CADM2: variants seen among roughly 807,000 people sequenced by gnomAD.
CADM2 encodes immunoglobulin superfamily member 4D.
Under a neutral mutation model 49.8 loss-of-function variants are expected in CADM2, and 12 were observed. The ratio of observed to expected loss-of-function variants is 0.24; its 90% CI spans 0.15 to 0.39. CADM2 has a LOEUF of 0.39. Ranked by LOEUF, CADM2 falls within the 10% of genes least tolerant of loss-of-function variation. CADM2 has a pLI of 1.00. For missense variants in CADM2, 378 were observed against 492.3 expected (o/e 0.77, Z 2.20); for synonymous variants, 214 against 175.4 (o/e 1.22, Z -1.74).
At chr3:85,518,678 C>T (rs1470051797) in intron 1 of CADM2, among the ~76,000 whole-genome samples, 1 of 152,094 alleles carries the variant, frequency 6.6e-6, no homozygotes, top group South Asian at 2.1e-4. Flanking sequence ...CTGGCATTCC[C>T]TGGCTTATGG....
chr3:85,021,035 T>C (rs1477573971), intron 1 of CADM2, among the ~76,000 whole-genome samples: 1 of 147,482 alleles, frequency 6.8e-6, no homozygotes, highest in Non-Finnish European at 1.5e-5. Flanking sequence ...GAGAATCACA[T>C]GAGCCTGGGA....
chr3:85,306,241 G>C (rs916400649), intron 1 of CADM2, among the ~76,000 whole-genome samples: 1 of 151,520 alleles, frequency 6.6e-6, no homozygotes, highest in African/African-American at 2.4e-5. Context: ...TTAGTGTTTT[G>C]CTTTGCTGGA....
intron 1 of CADM2, among the ~76,000 whole-genome samples, chr3:85,660,243 T>C (rs1475529633): frequency 6.6e-6 from 1 of 152,136 alleles, no homozygotes; most frequent in East Asian, 1.9e-4. Context: ...TCATTTCTAG[T>C]AGTTTCTATT....
rs2042248735 is a variant in CADM2, at chr3:85,229,875, G to C, written c.61+270207G>C. On this transcript the variant is annotated intron_variant, in intron 1 of 9. Coordinates refer to ENST00000383699, the MANE Select transcript of CADM2 (RefSeq NM_001167675.2). ...CATTAATGACTACATTTTGATTCTGGCAACTTTGATATCTGTAAGATAACC... is the reference window on the plus strand; with the variant it reads ...CATTAATGACTACATTTTGATTCTGCCAACTTTGATATCTGTAAGATAACC... Among the ~76,000 whole-genome samples, 4 of 152,012 alleles carry C rather than the reference G, an allele frequency of 2.6e-5. No homozygotes were observed. The South Asian group carries it at 8.3e-4, about 32-fold the overall frequency.
rs1014721175 is a variant in CADM2, at chr3:85,233,995, G to T, written c.61+274327G>T. On this transcript the variant is annotated intron_variant, in intron 1 of 9. Coordinates refer to ENST00000383699, the MANE Select transcript of CADM2 (RefSeq NM_001167675.2). The stretch of plus-strand genomic sequence containing the variant: ...TTTATTAAGCACTTATTTATGTCAA[G>T]CACTCTTCTGAAGTTCTACATGGAT... Among the ~76,000 whole-genome samples, 14 of 152,146 alleles carry T rather than the reference G, an allele frequency of 9.2e-5. No homozygotes were observed. The South Asian group carries it at 2.9e-3, about 32-fold the overall frequency.
chr3:85,212,971 C>A (rs1398318659), intron 1 of CADM2, among the ~76,000 whole-genome samples: 3 of 151,452 alleles, frequency 2.0e-5, no homozygotes, highest in African/African-American at 7.3e-5. Flanking sequence ...ACCTTCGCCT[C>A]CTGGGTTCAA....
chr3:85,445,635 A>G (rs143241038), intron 1 of CADM2, among the ~76,000 whole-genome samples: 1 of 152,218 alleles, frequency 6.6e-6, no homozygotes, highest in Non-Finnish European at 1.5e-5. Context: ...CCTAAAATAC[A>G]TTAACATTTT....
chr3:85,339,721 A>T (rs2045190266), intron 1 of CADM2, among the ~76,000 whole-genome samples: 1 of 151,394 alleles, frequency 6.6e-6, no homozygotes, highest in Non-Finnish European at 1.5e-5. Context: ...GAAAGTCAAG[A>T]TTACCAAATG....
chr3:85,694,081 G>T (rs2066476213), intron 1 of CADM2, among the ~76,000 whole-genome samples: 2 of 151,960 alleles, frequency 1.3e-5, no homozygotes, highest in African/African-American at 2.4e-5. Context: ...ACTTTTTAAA[G>T]ATATCTACTC....
chr3:86,015,645 C>T (rs1732131300), intron 8 of CADM2, among the ~76,000 whole-genome samples: 1 of 152,182 alleles, frequency 6.6e-6, no homozygotes, highest in African/African-American at 2.4e-5. Context: ...TTTTGTCTTT[C>T]TCTAACTTAA....
intron 1 of CADM2, among the ~76,000 whole-genome samples, chr3:85,691,891 C>G (rs6784739): frequency 0.35 from 51,439 of 148,690 alleles, 8,176 homozygotes; most frequent in Middle Eastern, 0.41. Flanking sequence ...AACCAAACAC[C>G]GCATGTTCTC....
chr3:85,119,427 G>C (rs1226875106), intron 1 of CADM2, among the ~76,000 whole-genome samples: 1 of 152,130 alleles, frequency 6.6e-6, no homozygotes, highest in Non-Finnish European at 1.5e-5. Context: ...AAGTCAGGTA[G>C]TGTGATGCCT....
intron 1 of CADM2, among the ~76,000 whole-genome samples, chr3:85,098,377 T>C: frequency 6.6e-6 from 1 of 152,216 alleles, no homozygotes; most frequent in South Asian, 2.1e-4. Context: ...TTAAGAAATC[T>C]TAACTTTCTA....
chr3:85,070,966 GC>G (rs1336518723), intron 1 of CADM2, among the ~76,000 whole-genome samples: 2 of 150,640 alleles, frequency 1.3e-5, no homozygotes, highest in Non-Finnish European at 3.0e-5. Flanking sequence ...TCCAGCCTGG[GC>G]AATAGAGCGA....
At chr3:85,333,356 G>GA (rs755880453) in intron 1 of CADM2, among the ~76,000 whole-genome samples, 4 of 151,248 alleles carry the variant, frequency 2.6e-5, no homozygotes, top group South Asian at 2.1e-4. Flanking sequence ...AAGCATTTTA[G>GA]AAAAAAAATG....
At position 84,959,320 on chromosome 3, in the gene CADM2, A is replaced by G. The variant is rs2030209275; in HGVS notation, c.-288A>G. 3 of 513,690 alleles carry G rather than the reference A, an allele frequency of 5.8e-6. No homozygotes were observed. Among genetic ancestry groups the G allele is most frequent in the African/African-American group, 2.0e-5 (1 of 50,630 alleles). 31.8% of individuals were successfully genotyped at this position (513,690 alleles called of 1,614,324 possible). A position where few individuals can be genotyped will look rare whatever the true frequency, so the allele number is the denominator to read the frequency against. Reference sequence around the variant, plus strand: ...GGACTTGCTGTGCGCGCCGAGAGGAAGGCAAGCTCCAAACCCCTGCCTGGA... The same window carrying G: ...GGACTTGCTGTGCGCGCCGAGAGGAGGGCAAGCTCCAAACCCCTGCCTGGA... On this transcript the variant is annotated 5_prime_UTR_variant, in exon 1 of 10. Transcript: ENST00000383699.
intron 1 of CADM2, among the ~76,000 whole-genome samples, chr3:85,175,192 C>T (rs2040745842): frequency 6.6e-6 from 1 of 152,092 alleles, no homozygotes; most frequent in Non-Finnish European, 1.5e-5. Context: ...GTGGTACAGC[C>T]ACTGTGGAAA....
At chr3:85,912,092 C>T (rs923965294) in intron 5 of CADM2, among the ~76,000 whole-genome samples, 2 of 151,804 alleles carry the variant, frequency 1.3e-5, no homozygotes, top group African/African-American at 2.4e-5. Context: ...TACAGGTGCC[C>T]GTCACCACAT....
intron 1 of CADM2, among the ~76,000 whole-genome samples, chr3:85,689,491 A>C (rs976476429): frequency 6.6e-6 from 1 of 152,254 alleles, no homozygotes; most frequent in Non-Finnish European, 1.5e-5. Context: ...ATGTATATGC[A>C]TCACAGAGGA....
Sources: gnomAD v4.1 joint callset for allele counts (sites outside exome capture counted in the v4.1 genomes callset) on GRCh38, gnomAD v4.1.1 for gene constraint, MANE v1.5 for transcripts, NCBI Gene and HGNC (gene_info 2026-07-23, HGNC 2026-07-21) for gene names.